BRINP1: variants seen among roughly 807,000 people sequenced by gnomAD.
BRINP1 encodes BMP/retinoic acid inducible neural specific 1, also known as BMP/retinoic acid-inducible neural-specific protein 1.
A neutral mutation model predicts 72.9 loss-of-function variants in BRINP1; 17 were observed. The ratio of observed to expected loss-of-function variants is 0.23; its 90% confidence interval spans 0.16 to 0.35. The LOEUF (loss-of-function observed/expected upper bound fraction) is 0.35. BRINP1 is among the 10% of genes least tolerant of loss of function. The pLI, the probability that BRINP1 is intolerant of heterozygous loss-of-function variation, is 1.00. For synonymous variants in BRINP1, 418 were observed against 378.5 expected (o/e 1.10, Z -1.21); for missense variants, 850 against 1,001.6 (o/e 0.85, Z 2.04).
chr9:119,251,869 T>C (rs1830393061), intron 2 of BRINP1, among the ~76,000 whole-genome samples: 1 of 152,096 alleles, frequency 6.6e-6, no homozygotes, highest in Admixed American at 6.5e-5. Flanking sequence ...TTCTAATTAA[T>C]AGAATATGAA....
At chr9:119,220,991 A>G (rs1056480992) in intron 5 of BRINP1, among the ~76,000 whole-genome samples, 1 of 152,142 alleles carries the variant, frequency 6.6e-6, no homozygotes, top group Non-Finnish European at 1.5e-5. Flanking sequence ...TCTATATCCT[A>G]ATTACCTAAT....
intron 1 of BRINP1, among the ~76,000 whole-genome samples, chr9:119,343,010 G>A (rs116859196): frequency 1.3e-5 from 2 of 152,302 alleles, no homozygotes; most frequent in East Asian, 1.9e-4. Context: ...TACATTGGGC[G>A]GATGCCTGGG....
rs539178271 is a variant in BRINP1, at chr9:119,202,145, T to A, written c.1145+6574A>T. Among the ~76,000 whole-genome samples the A allele has an allele frequency of 2.6e-5, 4 of 152,314 alleles. No individual in the cohort carries two copies. The South Asian group carries it at 8.3e-4, about 32-fold the overall frequency. On this transcript the variant is annotated intron_variant, in intron 7 of 7. Coordinates refer to ENST00000265922, the MANE Select transcript of BRINP1 (RefSeq NM_014618.3). ...CTGTCTTCTACCTGCTATTTAATCA[T>A]CAGCAAGTCATTTAACATCTCTATG...
intron 2 of BRINP1, among the ~76,000 whole-genome samples, chr9:119,287,170 T>C (rs1236416145): frequency 6.6e-6 from 1 of 152,240 alleles, no homozygotes; most frequent in Admixed American, 6.5e-5. Context: ...GCAGCACTTT[T>C]ATTTTAAATA....
At chr9:119,312,455 G>A (rs1282842029) in intron 2 of BRINP1, among the ~76,000 whole-genome samples, 2 of 152,216 alleles carry the variant, frequency 1.3e-5, no homozygotes, top group East Asian at 1.9e-4. Context: ...AGAGGTGTTA[G>A]TGTAGAGAGC....
intron 7 of BRINP1, among the ~76,000 whole-genome samples, chr9:119,176,509 G>A (rs911337468): frequency 6.6e-5 from 10 of 152,102 alleles, no homozygotes; most frequent in Admixed American, 2.6e-4. Context: ...TGGCCCAAGC[G>A]GAGCTGAGTT....
intron 6 of BRINP1, among the ~76,000 whole-genome samples, chr9:119,211,211 T>TA (rs200875693): frequency 1.4e-5 from 2 of 147,138 alleles, no homozygotes; most frequent in African/African-American, 5.1e-5. Flanking sequence ...TTTATTTATT[T>TA]TTTGAGACAC....
At chr9:119,178,700 T>A (rs1367335215) in intron 7 of BRINP1, among the ~76,000 whole-genome samples, 1 of 152,170 alleles carries the variant, frequency 6.6e-6, no homozygotes, top group Non-Finnish European at 1.5e-5. Context: ...ACCTCCATGT[T>A]ACAGGCAAAG....
At chr9:119,243,270 C>T (rs1214094630) in intron 3 of BRINP1, among the ~76,000 whole-genome samples, 1 of 152,136 alleles carries the variant, frequency 6.6e-6, no homozygotes. Flanking sequence ...TCCATGTGTT[C>T]TCATCATTCA....
chr9:119,269,611 G>A (rs1830587395), intron 2 of BRINP1, among the ~76,000 whole-genome samples: 1 of 152,176 alleles, frequency 6.6e-6, no homozygotes, highest in South Asian at 2.1e-4. Flanking sequence ...CCTCAAGGCT[G>A]CCTTATGTGG....
intron 2 of BRINP1, among the ~76,000 whole-genome samples, chr9:119,303,522 C>T (rs576304834): frequency 6.6e-6 from 1 of 152,290 alleles, no homozygotes; most frequent in Admixed American, 6.5e-5. Context: ...AATCGTGGGA[C>T]GTGCAAGTGC....
At chr9:119,230,571 G>C (rs1830139258) in intron 5 of BRINP1, among the ~76,000 whole-genome samples, 2 of 152,004 alleles carry the variant, frequency 1.3e-5, no homozygotes, top group Non-Finnish European at 2.9e-5. Flanking sequence ...ACATTCAATA[G>C]AAGAGAGTGA....
chr9:119,336,341 C>T (rs941450131), intron 1 of BRINP1, among the ~76,000 whole-genome samples: 6 of 152,166 alleles, frequency 3.9e-5, no homozygotes, highest in Non-Finnish European at 7.3e-5. Context: ...CTCTCCTGTT[C>T]CTACATACGT....
chr9:119,176,241 G>A (rs946513602), intron 7 of BRINP1, among the ~76,000 whole-genome samples: 3 of 152,156 alleles, frequency 2.0e-5, no homozygotes, highest in Admixed American at 6.5e-5. Flanking sequence ...TCTGTCAAGC[G>A]AGAGTCAAGA....
intron 7 of BRINP1, among the ~76,000 whole-genome samples, chr9:119,175,723 G>C (rs558551264): frequency 6.6e-5 from 10 of 152,198 alleles, no homozygotes; most frequent in African/African-American, 1.7e-4. Context: ...ATCAGAGTAG[G>C]AACAAATATG....
intron 2 of BRINP1, among the ~76,000 whole-genome samples, chr9:119,300,964 G>C (rs1297904509): frequency 6.6e-6 from 1 of 152,042 alleles, no homozygotes; most frequent in Admixed American, 6.5e-5. Flanking sequence ...TGCTTTACTC[G>C]GCACCTACTA....
At chr9:119,192,288 A>C (rs904015662) in intron 7 of BRINP1, among the ~76,000 whole-genome samples, 1 of 152,062 alleles carries the variant, frequency 6.6e-6, no homozygotes, top group Non-Finnish European at 1.5e-5. Context: ...ACAGCAAAGG[A>C]AATATTTAAC....
intron 2 of BRINP1, among the ~76,000 whole-genome samples, chr9:119,303,582 G>A (rs1471268233): frequency 2.0e-5 from 3 of 152,134 alleles, no homozygotes; most frequent in Non-Finnish European, 4.4e-5. Context: ...GACCTTGCCA[G>A]TATGGTGGCA....
At chr9:119,211,740 C>T (rs2183963) in intron 6 of BRINP1, among the ~76,000 whole-genome samples, 51,479 of 152,030 alleles carry the variant, frequency 0.34, 9,185 homozygotes, top group East Asian at 0.55. Flanking sequence ...GATGCACATA[C>T]GGATGAATGG....
Sources: gnomAD v4.1 joint callset for allele counts (sites outside exome capture counted in the v4.1 genomes callset) on GRCh38, gnomAD v4.1.1 for gene constraint, MANE v1.5 for transcripts, NCBI Gene and HGNC (gene_info 2026-07-23, HGNC 2026-07-21) for gene names.